CACNA1C: variants seen among roughly 807,000 people sequenced by gnomAD.
The protein encoded by CACNA1C is calcium voltage-gated channel subunit alpha1 C.
Under a neutral mutation model 229.0 loss-of-function variants are expected in CACNA1C, and 30 were observed. The ratio of observed to expected loss-of-function variants is 0.13; its 90% CI spans 0.10 to 0.18. CACNA1C has a LOEUF of 0.18. CACNA1C is among the 10% of genes least tolerant of loss of function. The pLI is 1.00. For missense variants in CACNA1C, 1,658 were observed against 2,845.0 expected (o/e 0.58, Z 9.49); for synonymous variants, 1,114 against 1,132.5 (o/e 0.98, Z 0.33).
chr12:2,470,312 A>G (rs117778746), intron 5 of CACNA1C, among the ~76,000 whole-genome samples: 1 of 152,248 alleles, frequency 6.6e-6, no homozygotes, highest in African/African-American at 2.4e-5. Context: ...ACCTCCAAAC[A>G]TGAAATCACA....
intron 3 of CACNA1C, among the ~76,000 whole-genome samples, chr12:2,433,692 C>T (rs1278264947): frequency 6.6e-6 from 1 of 152,092 alleles, no homozygotes; most frequent in Non-Finnish European, 1.5e-5. Context: ...TCTTGGGAAA[C>T]TCCAAGTCTG....
At chr12:2,464,795 G>C (rs762497488) in intron 5 of CACNA1C, among the ~76,000 whole-genome samples, 9 of 152,262 alleles carry the variant, frequency 5.9e-5, no homozygotes, top group Non-Finnish European at 8.8e-5. Context: ...TGAGGACCAT[G>C]TGTGGATAGA....
chr12:2,323,186 C>A (rs760709016), intron 3 of CACNA1C, among the ~76,000 whole-genome samples: 5 of 152,204 alleles, frequency 3.3e-5, no homozygotes, highest in Non-Finnish European at 5.9e-5. Flanking sequence ...TTTCAGCCGA[C>A]CTTGCTTCCT....
chr12:2,675,963 C>T (rs1174394936), intron 39 of CACNA1C: 3 of 152,198 alleles, frequency 2.0e-5, no homozygotes, highest in East Asian at 3.9e-4. Flanking sequence ...GAGGGAAAGC[C>T]GGATTTGGGC....
intron 3 of CACNA1C, among the ~76,000 whole-genome samples, chr12:2,325,167 G>T (rs767210626): frequency 1.3e-5 from 2 of 152,088 alleles, no homozygotes. Flanking sequence ...CCTATGCTCT[G>T]TGTGTCACCT....
chr12:2,194,704 T>TA (rs1392209635), intron 3 of CACNA1C, among the ~76,000 whole-genome samples: 1 of 152,120 alleles, frequency 6.6e-6, no homozygotes, highest in Non-Finnish European at 1.5e-5. Flanking sequence ...TGTTATCACT[T>TA]ATGTTCCAGC....
intron 1 of CACNA1C, among the ~76,000 whole-genome samples, chr12:2,025,093 C>T (rs993698423): frequency 1.3e-5 from 2 of 152,210 alleles, no homozygotes; most frequent in Non-Finnish European, 2.9e-5. Flanking sequence ...GCCTTCCCCA[C>T]GGCCTCTGCA....
At chr12:2,270,495 C>T (rs546791079) in intron 3 of CACNA1C, among the ~76,000 whole-genome samples, 10 of 152,278 alleles carry the variant, frequency 6.6e-5, no homozygotes, top group East Asian at 1.9e-4. Context: ...TCAAGGCAAC[C>T]GTCTTGCTGA....
At chr12:2,452,031 G>T (rs760925874) in intron 4 of CACNA1C, among the ~76,000 whole-genome samples, 1 of 152,064 alleles carries the variant, frequency 6.6e-6, no homozygotes, top group African/African-American at 2.4e-5. Context: ...ATATTAAATG[G>T]GTAGCCCTTT....
At chr12:2,587,347 C>A (rs1009841745) in intron 18 of CACNA1C, among the ~76,000 whole-genome samples, 63 of 152,248 alleles carry the variant, frequency 4.1e-4, no homozygotes, top group African/African-American at 1.5e-3. Flanking sequence ...AAATGAAAGA[C>A]AGTAATAAAA....
intron 9 of CACNA1C, among the ~76,000 whole-genome samples, chr12:2,534,147 C>G (rs2099847570): frequency 6.6e-6 from 1 of 152,116 alleles, no homozygotes; most frequent in East Asian, 1.9e-4. Flanking sequence ...GGGCAAAGAC[C>G]CAGACACAGG....
intron 3 of CACNA1C, among the ~76,000 whole-genome samples, chr12:2,264,176 C>T (rs1320579603): frequency 1.3e-5 from 2 of 152,138 alleles, no homozygotes; most frequent in African/African-American, 2.4e-5. Context: ...GTGAGGACCC[C>T]GCTGGAACTG....
intron 11 of CACNA1C, among the ~76,000 whole-genome samples, chr12:2,558,229 C>T (rs1320329838): frequency 6.6e-6 from 1 of 152,202 alleles, no homozygotes. Flanking sequence ...AGGGCTGGTC[C>T]TAGAAGCCAC....
At chr12:2,090,907 T>C (rs2070549955) in intron 1 of CACNA1C, among the ~76,000 whole-genome samples, 1 of 146,016 alleles carries the variant, frequency 6.8e-6, no homozygotes, top group Admixed American at 6.6e-5. Flanking sequence ...TCTTGTTAAT[T>C]TCTATTTTTT....
At chr12:1,982,206 C>G (rs2036350884) in intron 1 of CACNA1C, among the ~76,000 whole-genome samples, 1 of 152,044 alleles carries the variant, frequency 6.6e-6, no homozygotes, top group South Asian at 2.1e-4. Context: ...AGTATTTTTT[C>G]CTTTTTTATT....
chr12:2,597,506 C>A lies in CACNA1C; in HGVS notation c.2853+217C>A, dbSNP rs749006268. ...AGAAATTATCCTTAAGGTAATGCAA[C>A]CTGGGCAATGCATCCTCTGTCGCTT... On this transcript the variant is annotated intron_variant, in intron 21 of 46. Transcript: ENST00000399655. The surrounding 1 kb of genome is among the most constrained non-coding windows in gnomAD (Gnocchi z 4.3). The A allele has an allele frequency of 1.7e-5, 26 of 1,534,282 alleles. No homozygotes were observed. The East Asian group carries it at 5.6e-4, about 33-fold the overall frequency.
At chr12:2,675,550 G>C (rs2096764357) in intron 39 of CACNA1C, among the ~76,000 whole-genome samples, 1 of 152,188 alleles carries the variant, frequency 6.6e-6, no homozygotes, top group African/African-American at 2.4e-5. Flanking sequence ...ACCCTAAAGA[G>C]CATTGCCATC....
intron 2 of CACNA1C, among the ~76,000 whole-genome samples, chr12:2,118,719 C>G (rs934377403): frequency 6.6e-6 from 1 of 152,170 alleles, no homozygotes; most frequent in African/African-American, 2.4e-5. Flanking sequence ...GCGTCTGTCT[C>G]CCATCATCAC....
At chr12:2,490,221 T>C (rs1248453586) in intron 6 of CACNA1C, among the ~76,000 whole-genome samples, 1 of 152,258 alleles carries the variant, frequency 6.6e-6, no homozygotes, top group Non-Finnish European at 1.5e-5. Context: ...TCACTTCCCC[T>C]TGATGCCATT....
Sources: allele counts gnomAD v4.1 joint callset (sites outside exome capture counted in the v4.1 genomes callset), GRCh38; gene constraint gnomAD v4.1.1; non-coding constraint Gnocchi (gnomAD v3.1); transcripts MANE v1.5; gene names NCBI Gene and HGNC (gene_info 2026-07-23, HGNC 2026-07-21).